SMARCD1: variants seen among roughly 807,000 people sequenced by gnomAD.
SMARCD1 encodes the protein SWI/SNF-related matrix-associated actin-dependent regulator of chromatin subfamily D member 1.
A neutral mutation model predicts 70.8 loss-of-function variants in SMARCD1; 16 were observed. The ratio of observed to expected loss-of-function variants is 0.23; its 90% confidence interval spans 0.15 to 0.34. SMARCD1 has a LOEUF of 0.34. Ranked by LOEUF, SMARCD1 falls within the 10% of genes least tolerant of loss-of-function variation. The probability of loss-of-function intolerance (pLI) is 1.00; values close to 1 mark genes in which losing one functional copy is unlikely to be tolerated. For missense variants in SMARCD1, 409 were observed against 655.5 expected, an observed-to-expected ratio of 0.62 and a Z score of 4.11; for synonymous variants, 249 against 246.0, an observed-to-expected ratio of 1.01 and a Z score of -0.11.
chr12:50,090,394 C>T lies in SMARCD1; in HGVS notation c.1027C>T (p.Leu343=), dbSNP rs202011906. ...GGAGTTTGTCATCTGTGACAAGTAC[C>T]TGCAGCAGGTAAGTAATGGACCCAT... The part of the protein sequence containing the change: ...EREFVICDKY[L]QQIFESQRMK... Residue 343 remains leucine, a synonymous_variant, in exon 8 of 13, where the codon CTG becomes TTG. Transcript: ENST00000394963. The T allele has an allele frequency of 8.7e-6, 14 of 1,613,884 alleles. No homozygotes were observed. The highest frequency in any genetic ancestry group is 3.3e-5 in the Admixed American group (2 of 59,986).
At chr12:50,098,592 AG>A in intron 11 of SMARCD1, 121 bp from the exon 12 acceptor site, 1 of 706,122 alleles carries the variant, frequency 1.4e-6, no homozygotes, top group South Asian at 1.7e-5. Flanking sequence ...CACAGGTACT[AG>A]GGGTTGGTTA....
chr12:50,085,997 T>C, intron 1 of SMARCD1, 164 bp from the exon 2 acceptor site: 2 of 459,654 alleles, frequency 4.4e-6, no homozygotes, highest in Non-Finnish European at 3.7e-6. Flanking sequence ...GGACTCTGTT[T>C]TTCTATGGAG....
At chr12:50,087,250 T>A in intron 4 of SMARCD1, 113 bp from the exon 5 acceptor site, 2 of 1,283,938 alleles carry the variant, frequency 1.6e-6, no homozygotes, top group Admixed American at 4.2e-5. Flanking sequence ...CCCAAGGGAC[T>A]GGGTAGACAG....
intron 9 of SMARCD1, among the ~76,000 whole-genome samples, chr12:50,092,631 C>T (rs1013052691): frequency 6.6e-6 from 1 of 151,986 alleles, no homozygotes; most frequent in African/African-American, 2.4e-5. Context: ...AGTAGTAACT[C>T]CTCAACCTAT....
intron 11 of SMARCD1, among the ~76,000 whole-genome samples, chr12:50,098,232 G>A (rs1187807251): frequency 6.6e-6 from 1 of 152,214 alleles, no homozygotes; most frequent in Non-Finnish European, 1.5e-5. Context: ...GTTTGCTGAG[G>A]CTGCTGTAGC....
Position 50,090,238 on chromosome 12 carries a change from C to T in SMARCD1, c.874-3C>T, listed in dbSNP as rs1195538773. 2.5e-6 allele frequency: 4 copies of T among 1,607,920 alleles called. No individual in the cohort carries two copies. Among genetic ancestry groups the T allele is most frequent in the Non-Finnish European group, 3.4e-6 (4 of 1,177,124 alleles). On this transcript the variant is annotated splice_polypyrimidine_tract_variant and splice_region_variant and intron_variant, in intron 7 of 12. Transcript: ENST00000394963. The stretch of plus-strand genomic sequence containing the variant: ...TCATCCCCTATACTTTGGTTCCCTG[C>T]AGCCTCCCCAGTTTAAATTAGACCC...
At position 50,087,346 on chromosome 12, in the gene SMARCD1, G is replaced by GT. The variant is rs1950801091; in HGVS notation, c.532-14dup. 1 of 1,612,970 alleles carries GT rather than the reference G, an allele frequency of 6.2e-7. No individual in the cohort carries two copies. The highest frequency in any genetic ancestry group is 8.5e-7 in the Non-Finnish European group (1 of 1,179,314). On this transcript the variant is annotated splice_polypyrimidine_tract_variant and intron_variant, in intron 4 of 12. Coordinates refer to ENST00000394963, the MANE Select transcript of SMARCD1 (RefSeq NM_003076.5). ...CCACTGAAGCCCCACGATCAATCCTGTTTCTGCCTTCCTCAGCAAAAACGG... is the reference window on the plus strand; with the variant it reads ...CCACTGAAGCCCCACGATCAATCCTGTTTTCTGCCTTCCTCAGCAAAAACGG...
chr12:50,098,900 C>A (rs750067489), intron 12 of SMARCD1, 47 bp from the exon 13 acceptor site: 2 of 1,608,414 alleles, frequency 1.2e-6, no homozygotes, highest in South Asian at 1.1e-5. Flanking sequence ...TAGATACCAA[C>A]TTCTGGTTTG....
At chr12:50,092,601 C>T (rs187945491) in intron 9 of SMARCD1, among the ~76,000 whole-genome samples, 3 of 151,118 alleles carry the variant, frequency 2.0e-5, no homozygotes, top group Admixed American at 2.0e-4. Context: ...AAAGATAAGA[C>T]CCTGAACCTT....
intron 9 of SMARCD1, among the ~76,000 whole-genome samples, chr12:50,093,131 G>A (rs1455225600): frequency 6.6e-6 from 1 of 151,626 alleles, no homozygotes; most frequent in African/African-American, 2.4e-5. Context: ...AGCCAAGACT[G>A]CGCCACTGCA....
At chr12:50,088,467 T>G in intron 5 of SMARCD1, 54 bp from the exon 6 acceptor site, 1 of 966,680 alleles carries the variant, frequency 1.0e-6, no homozygotes. Flanking sequence ...GGATTTTGTC[T>G]TGGGAAGTTT....
chr12:50,088,430 C>G, intron 5 of SMARCD1, 91 bp from the exon 6 acceptor site: 1 of 738,998 alleles, frequency 1.4e-6, no homozygotes, highest in Admixed American at 2.3e-5. Context: ...AGTTTTTTTC[C>G]ATTGTTGTTG....
rs1321764425 is a variant in SMARCD1, at chr12:50,100,364, A to G, written c.*1364A>G. The G allele has an allele frequency of 1.5e-5, 2 of 134,840 alleles. No individual in the cohort carries two copies. The highest frequency in any genetic ancestry group is 2.9e-5 in the African/African-American group (1 of 35,064). The allele number at this position is 134,840 out of a possible 1,614,324, so 8.4% of individuals were successfully genotyped here. On this transcript the variant is annotated 3_prime_UTR_variant, in exon 13 of 13. Coordinates refer to ENST00000394963, the MANE Select transcript of SMARCD1 (RefSeq NM_003076.5). ...TCCTGCGAGCACACCCCCACCCCCA[A>G]ATCCCTCCCTGTTCTACACTGGGGA...
At chr12:50,092,287 A>C (rs1307863666) in intron 9 of SMARCD1, among the ~76,000 whole-genome samples, 1 of 127,124 alleles carries the variant, frequency 7.9e-6, no homozygotes, top group Non-Finnish European at 1.6e-5. Flanking sequence ...TCTGTTGCAC[A>C]ATCTCGGCTC....
Position 50,099,015 on chromosome 12 carries a change from C to T in SMARCD1, c.*15C>T. 6.2e-7 allele frequency: 1 copy of T among 1,612,790 alleles called. No individual in the cohort carries two copies. The highest frequency in any genetic ancestry group is 8.5e-7 in the Non-Finnish European group (1 of 1,178,836). ...GGAATACATAGGGCCTCTCCCACAG[C>T]CCTGATTCGACTGCACCAATTCTTG... On this transcript the variant is annotated 3_prime_UTR_variant, in exon 13 of 13. Transcript: ENST00000394963.
chr12:50,093,101 G>A (rs1950861512), intron 9 of SMARCD1, among the ~76,000 whole-genome samples: 1 of 151,818 alleles, frequency 6.6e-6, no homozygotes, highest in Non-Finnish European at 1.5e-5. Flanking sequence ...ACTTGAACCG[G>A]GGAGGCAGAG....
chr12:50,093,180 A>C (rs536025570), intron 9 of SMARCD1, among the ~76,000 whole-genome samples: 1 of 152,206 alleles, frequency 6.6e-6, no homozygotes, highest in African/African-American at 2.4e-5. Context: ...CATCTAAAAA[A>C]AAAAAGAAAG....
intron 9 of SMARCD1, among the ~76,000 whole-genome samples, chr12:50,091,283 T>C (rs1311886189): frequency 4.6e-5 from 7 of 152,106 alleles, no homozygotes; most frequent in Non-Finnish European, 8.8e-5. Flanking sequence ...GAATTTTTTT[T>C]TTTTTTTTTG....
chr12:50,091,088 C>T (rs953015363), intron 9 of SMARCD1, among the ~76,000 whole-genome samples: 3 of 151,924 alleles, frequency 2.0e-5, no homozygotes, highest in Admixed American at 6.6e-5. Context: ...GTGATCTGCC[C>T]GCCTCGGCCT....
Sources: gnomAD v4.1 joint callset for allele counts (sites outside exome capture counted in the v4.1 genomes callset) on GRCh38, gnomAD v4.1.1 for gene constraint, MANE v1.5 for transcripts, NCBI Gene and HGNC (gene_info 2026-07-23, HGNC 2026-07-21) for gene names.